TSHR: variants seen among roughly 807,000 people sequenced by gnomAD.
The protein encoded by TSHR is thyrotropin receptor.
In TSHR, 51 loss-of-function variants were observed where a neutral mutation model predicts 64.1. The observed-to-expected ratio is 0.80, with a 90% CI of 0.64 to 1.01. The LOEUF is 1.01. Ranked by LOEUF, TSHR falls within the 50% of genes least tolerant of loss-of-function variation. The probability of loss-of-function intolerance (pLI) is 0.00; values close to 1 mark genes in which losing one functional copy is unlikely to be tolerated. For missense variants in TSHR, 877 were observed against 942.8 expected (o/e 0.93, Z 0.91); for synonymous variants, 361 against 361.9 (o/e 1.00, Z 0.03).
At chr14:81,018,050 C>T (rs886993664) in intron 1 of TSHR, among the ~76,000 whole-genome samples, 1 of 151,926 alleles carries the variant, frequency 6.6e-6, no homozygotes. Context: ...AGGCTGGTCT[C>T]GAACTCCTGA....
At position 81,037,448 on chromosome 14, in the gene TSHR, A is replaced by AAC. The variant is rs1555373451; in HGVS notation, c.171-24699_171-24698insCA. ...ACAAACAAACAAACAAACAAACAAA[A>AAC]AACAGAAAATGATCTAACAAAATGT... is the stretch of plus-strand genomic sequence containing the variant. On this transcript the variant is annotated intron_variant, in intron 1 of 9. Transcript: ENST00000298171. Among the ~76,000 whole-genome samples the AAC allele has an allele frequency of 6.9e-4, 88 of 128,428 alleles. 1 individual carries two copies. Among genetic ancestry groups the AAC allele is most frequent in the Middle Eastern group, 8.2e-3 (2 of 244 alleles). The allele number at this position is 128,428 out of a possible 152,430, so 84.3% of individuals were successfully genotyped here.
At chr14:81,072,753 T>TAAAAGAAAACTGATGTAAA (rs1555376875) in intron 3 of TSHR, among the ~76,000 whole-genome samples, 6 of 149,758 alleles carry the variant, frequency 4.0e-5, no homozygotes, top group African/African-American at 1.3e-4. Flanking sequence ...AGTGAAAAGC[T>TAAAAGAAAACTGATGTAAA]TTGGGAGGCC....
chr14:81,080,736 T>A (rs772008478), intron 3 of TSHR, among the ~76,000 whole-genome samples: 3 of 152,152 alleles, frequency 2.0e-5, no homozygotes, highest in African/African-American at 7.2e-5. Flanking sequence ...TCCTCGATAA[T>A]GTAGGAAATA....
At chr14:81,027,434 A>G (rs1447077324) in intron 1 of TSHR, among the ~76,000 whole-genome samples, 5 of 152,168 alleles carry the variant, frequency 3.3e-5, no homozygotes, top group African/African-American at 9.7e-5. Flanking sequence ...AGGAACTTCA[A>G]AGAAAAATAA....
chr14:81,122,020 C>CTTTTT (rs1161879777), intron 8 of TSHR, among the ~76,000 whole-genome samples: 5 of 44,904 alleles, frequency 1.1e-4, no homozygotes, highest in Non-Finnish European at 1.7e-4. Flanking sequence ...TTTTCTTTTC[C>CTTTTT]TTTTTTTTTT....
chr14:81,133,246 C>A (rs1891323073), intron 8 of TSHR, among the ~76,000 whole-genome samples: 1 of 152,182 alleles, frequency 6.6e-6, no homozygotes, highest in Non-Finnish European at 1.5e-5. Context: ...TATACATCCA[C>A]AAGAATTTTT....
intron 1 of TSHR, among the ~76,000 whole-genome samples, chr14:81,035,529 C>G (rs555597845): frequency 6.6e-6 from 1 of 152,282 alleles, no homozygotes; most frequent in Non-Finnish European, 1.5e-5. Flanking sequence ...TAACAGCATA[C>G]TTTTGGGTGT....
intron 1 of TSHR, among the ~76,000 whole-genome samples, chr14:81,041,939 A>G (rs1884943113): frequency 6.6e-6 from 1 of 152,172 alleles, no homozygotes; most frequent in Admixed American, 6.5e-5. Flanking sequence ...CATTTTTCAG[A>G]ATATATTCCA....
At chr14:81,029,015 TTA>T (rs1034076414) in intron 1 of TSHR, among the ~76,000 whole-genome samples, 45 of 151,770 alleles carry the variant, frequency 3.0e-4, no homozygotes, top group African/African-American at 8.9e-4. Context: ...TATATTAACT[TTA>T]TGTCTCTAAA....
At chr14:81,045,957 A>C (rs1183620323) in intron 1 of TSHR, among the ~76,000 whole-genome samples, 1 of 152,194 alleles carries the variant, frequency 6.6e-6, no homozygotes, top group South Asian at 2.1e-4. Flanking sequence ...TTTTCTGGAG[A>C]GTCCAAGATG....
intron 1 of TSHR, among the ~76,000 whole-genome samples, chr14:81,024,407 C>A (rs1883937288): frequency 6.6e-6 from 1 of 151,984 alleles, no homozygotes. Flanking sequence ...CGCCACCATG[C>A]CTGGCTAATT....
chr14:80,979,720 T>C (rs2139718519), intron 1 of TSHR, among the ~76,000 whole-genome samples: 1 of 152,344 alleles, frequency 6.6e-6, no homozygotes, highest in South Asian at 2.1e-4. Flanking sequence ...CATAGGATTA[T>C]TCTTGATACT....
intron 1 of TSHR, chr14:81,050,586 G>A (rs1335772615): frequency 2.0e-5 from 3 of 152,122 alleles, no homozygotes; most frequent in African/African-American, 7.2e-5. Context: ...ATTGTTATAA[G>A]TGCTTCAAAT....
chr14:80,998,279 A>G (rs1387294448), intron 1 of TSHR, among the ~76,000 whole-genome samples: 1 of 152,106 alleles, frequency 6.6e-6, no homozygotes, highest in Non-Finnish European at 1.5e-5. Context: ...AATCATTCAT[A>G]TGTTAGATTT....
At chr14:81,047,395 G>A (rs540746840) in intron 1 of TSHR, among the ~76,000 whole-genome samples, 59 of 152,246 alleles carry the variant, frequency 3.9e-4, no homozygotes, top group African/African-American at 1.2e-3. Flanking sequence ...ATATATAGGT[G>A]ATAAACATAT....
At position 81,108,501 on chromosome 14, in the gene TSHR, T is replaced by C. The variant is rs28636074; in HGVS notation, c.692+49T>C. The stretch of plus-strand genomic sequence containing the variant: ...ATTTTAGTCTTTTTTTTTCTTTTTT[T>C]TTTTTTGGAATAAATGGAGACATTA... On this transcript the variant is annotated intron_variant, in intron 8 of 9. Transcript: ENST00000298171. The C allele has an allele frequency of 0.02, 30,102 of 1,505,526 alleles. 521 individuals are homozygous for C. Among genetic ancestry groups the C allele is most frequent in the Non-Finnish European group, 0.023 (25,693 of 1,105,288 alleles). 93.3% of individuals were successfully genotyped at this position (1,505,526 alleles called of 1,614,324 possible). A position where few individuals can be genotyped will look rare whatever the true frequency, so the allele number is the denominator to read the frequency against.
chr14:80,993,519 G>A lies in TSHR; in HGVS notation c.170+37669G>A, dbSNP rs551649993. On this transcript the variant is annotated intron_variant, in intron 1 of 9. Transcript: ENST00000298171. ...ATATACTCCTATCAGTAAAGTTTTT[G>A]AACAGGTACTCCTAATATATACATT... 6 of 152,180 alleles carry A rather than the reference G, an allele frequency of 3.9e-5. No homozygotes were observed. In the South Asian group the frequency reaches 1.2e-3, roughly 32 times the overall value. The allele number at this position is 152,180 out of a possible 1,614,324, so 9.4% of individuals were successfully genotyped here. A position where few individuals can be genotyped will look rare whatever the true frequency, so the allele number is the denominator to read the frequency against.
Position 81,044,673 on chromosome 14 carries a change from A to AACAC in TSHR, c.171-17465_171-17462dup, listed in dbSNP as rs1555373982. On this transcript the variant is annotated intron_variant, in intron 1 of 9. Coordinates refer to ENST00000298171, the MANE Select transcript of TSHR (RefSeq NM_000369.5). The stretch of plus-strand genomic sequence containing the variant: ...ACTCTGTCTCAAAAAAAAAAAAAAA[A>AACAC]ACACACACACACATGCACAATGAGA... Among the ~76,000 whole-genome samples the AACAC allele has an allele frequency of 1.4e-4, 19 of 137,486 alleles. 1 individual carries two copies. The Middle Eastern group carries it at 0.011, about 82-fold the overall frequency. The allele number at this position is 137,486 out of a possible 152,430, so 90.2% of individuals were successfully genotyped here. A position where few individuals can be genotyped will look rare whatever the true frequency, so the allele number is the denominator to read the frequency against.
intron 3 of TSHR, among the ~76,000 whole-genome samples, chr14:81,081,371 A>G (rs1009249276): frequency 9.2e-5 from 14 of 152,150 alleles, no homozygotes; most frequent in Non-Finnish European, 1.8e-4. Flanking sequence ...ATTATAAAGG[A>G]TATTACAAAA....
Sources: allele counts gnomAD v4.1 joint callset (sites outside exome capture counted in the v4.1 genomes callset), GRCh38; gene constraint gnomAD v4.1.1; transcripts MANE v1.5; gene names NCBI Gene and HGNC (gene_info 2026-07-23, HGNC 2026-07-21).